The following GCFC2 variants were observed in gnomAD, a reference collection of about 807,000 sequenced individuals.
The protein encoded by GCFC2 is GC-rich sequence DNA-binding factor 2.
A neutral mutation model predicts 99.4 loss-of-function variants in GCFC2; 102 were observed. That is an observed-to-expected ratio of 1.03 (90% CI 0.87 to 1.21). The LOEUF is 1.21. Ranked by LOEUF, GCFC2 falls within the 50% of genes most tolerant of loss-of-function variation. The pLI is 0.00. For missense variants in GCFC2, 973 were observed against 920.9 expected, an observed-to-expected ratio of 1.06 and a Z score of -0.73; for synonymous variants, 338 against 316.8, an observed-to-expected ratio of 1.07 and a Z score of -0.71.
intron 3 of GCFC2, chr2:75,701,919 T>C (rs1205381079): frequency 2.6e-6 from 3 of 1,165,284 alleles, no homozygotes; most frequent in Non-Finnish European, 3.2e-6. Flanking sequence ...TCGTTTTCAA[T>C]GCTTTGAAAG....
At chr2:75,677,938 A>C (rs1376138109) in intron 12 of GCFC2, among the ~76,000 whole-genome samples, 2 of 151,408 alleles carry the variant, frequency 1.3e-5, no homozygotes, top group Non-Finnish European at 2.9e-5. Flanking sequence ...AGATCACACC[A>C]CTGCACTCCA....
chr2:75,712,598 A>G (rs982035339), upstream of GCFC2, among the ~76,000 whole-genome samples: 9 of 152,112 alleles, frequency 5.9e-5, no homozygotes, highest in African/African-American at 2.2e-4. Context: ...ACAGTGTGGA[A>G]GCTTTGTTCT....
intron 12 of GCFC2, chr2:75,679,813 G>A: frequency 2.5e-6 from 1 of 401,474 alleles, no homozygotes; most frequent in East Asian, 3.6e-5. Flanking sequence ...ATGGCTGCCT[G>A]GGCCATGAGA....
At chr2:75,678,062 G>C (rs1383924030) in intron 12 of GCFC2, among the ~76,000 whole-genome samples, 2 of 151,848 alleles carry the variant, frequency 1.3e-5, no homozygotes, top group Non-Finnish European at 2.9e-5. Flanking sequence ...CTACCACTTA[G>C]TATTCAAGTA....
chr2:75,676,924 T>A (rs1199882412), intron 12 of GCFC2, among the ~76,000 whole-genome samples: 1 of 152,322 alleles, frequency 6.6e-6, no homozygotes, highest in East Asian at 1.9e-4. Flanking sequence ...TAGTATGTAT[T>A]TTAACTCCTT....
chr2:75,664,857 C>G, intron 16 of GCFC2, 74 bp from the exon 17 acceptor site: 5 of 719,238 alleles, frequency 7.0e-6, no homozygotes, highest in Non-Finnish European at 1.2e-5. Flanking sequence ...AGAACCTGAT[C>G]ATCAGTTGTT....
intron 5 of GCFC2, 49 bp downstream of exon 5, chr2:75,696,151 G>T: frequency 1.3e-6 from 1 of 746,446 alleles, no homozygotes; most frequent in Non-Finnish European, 2.4e-6. Context: ...TATATCTTTA[G>T]TATTAAATAT....
At chr2:75,712,741 A>G (rs1681240451), upstream of GCFC2, among the ~76,000 whole-genome samples, 1 of 152,138 alleles carries the variant, frequency 6.6e-6, no homozygotes, top group Admixed American at 6.5e-5. Context: ...ACCAGAAGGA[A>G]GAAACTCCAA....
At chr2:75,693,653 C>T (rs1680184250) in intron 6 of GCFC2, among the ~76,000 whole-genome samples, 1 of 151,880 alleles carries the variant, frequency 6.6e-6, no homozygotes, top group African/African-American at 2.4e-5. Context: ...AAAGACAAAA[C>T]TGGTAAGTTC....
chr2:75,687,741 A>T, intron 11 of GCFC2, 86 bp downstream of exon 11: 2 of 1,051,486 alleles, frequency 1.9e-6, no homozygotes, highest in East Asian at 4.9e-5. Flanking sequence ...AACTTATGAA[A>T]AAACTTTGTG....
intron 10 of GCFC2, among the ~76,000 whole-genome samples, chr2:75,688,288 T>C (rs1679909080): frequency 6.6e-6 from 1 of 152,146 alleles, no homozygotes; most frequent in East Asian, 1.9e-4. Flanking sequence ...TGGAGCAAAA[T>C]ACAAATTTGT....
chr2:75,680,004 TA>T (rs1475657531), intron 12 of GCFC2, among the ~76,000 whole-genome samples, 188 bp downstream of exon 12: 2 of 150,968 alleles, frequency 1.3e-5, no homozygotes, highest in Non-Finnish European at 2.9e-5. Context: ...AAGTCCAGTT[TA>T]AAAAATTTTT....
intron 15 of GCFC2, among the ~76,000 whole-genome samples, chr2:75,669,647 T>G (rs1678999941): frequency 6.6e-6 from 1 of 152,214 alleles, no homozygotes; most frequent in Non-Finnish European, 1.5e-5. Context: ...TAATTTTTCC[T>G]TTCCCTACTG....
intron 9 of GCFC2, 146 bp from the exon 10 acceptor site, chr2:75,689,371 C>T: frequency 1.8e-6 from 1 of 541,308 alleles, no homozygotes; most frequent in South Asian, 2.9e-5. Context: ...ATCACTTTAT[C>T]AACAAAGTAA....
intron 12 of GCFC2, among the ~76,000 whole-genome samples, chr2:75,675,778 C>T (rs552977316): frequency 6.6e-6 from 1 of 150,656 alleles, no homozygotes; most frequent in South Asian, 2.1e-4. Context: ...GAAAAGAAAC[C>T]TCCCATAAAT....
At chr2:75,689,721 CATT>C (rs1679975880) in intron 9 of GCFC2, among the ~76,000 whole-genome samples, 2 of 152,200 alleles carry the variant, frequency 1.3e-5, no homozygotes, top group Admixed American at 6.5e-5. Flanking sequence ...TGAAGATGTT[CATT>C]ATTAATTGGA....
At chr2:75,692,415 G>A (rs1165450956) in intron 6 of GCFC2, among the ~76,000 whole-genome samples, 1 of 152,078 alleles carries the variant, frequency 6.6e-6, no homozygotes, top group Non-Finnish European at 1.5e-5. Context: ...CACTTTGGGA[G>A]GTGGGTAGAT....
Position 75,689,219 on chromosome 2 carries a change from A to G in GCFC2, c.1346T>C (p.Ile449Thr). Residue 449 changes from isoleucine (I) to threonine (T), a missense_variant, in exon 10 of 17, where the codon ATT becomes ACT. Transcript: ENST00000321027. ...AAAAACTTTCTTCTGTTTCTGTAAA[A>G]TGTCACCTGTAAACAAAATAAGTCT... ...MIDFQKSQGD[I>T]LQKQKKVFEE... 1 of 1,564,048 alleles carries G rather than the reference A, an allele frequency of 6.4e-7. No individual in the cohort carries two copies. Among genetic ancestry groups the G allele is most frequent in the Non-Finnish European group, 8.8e-7 (1 of 1,138,524 alleles).
intron 11 of GCFC2, among the ~76,000 whole-genome samples, chr2:75,685,457 G>A (rs1226741056): frequency 6.6e-6 from 1 of 152,052 alleles, no homozygotes; most frequent in Non-Finnish European, 1.5e-5. Context: ...ATCCTCATCT[G>A]ACTTATCATC....
Sources: gnomAD v4.1 joint callset for allele counts (sites outside exome capture counted in the v4.1 genomes callset) on GRCh38, gnomAD v4.1.1 for gene constraint, MANE v1.5 for transcripts, NCBI Gene and HGNC (gene_info 2026-07-23, HGNC 2026-07-21) for gene names.